Variants in FOXP2 observed in about 807,000 individuals in gnomAD.
The protein encoded by FOXP2 is forkhead box protein P2.
In FOXP2, 12 loss-of-function variants were observed where a neutral mutation model predicts 115.8. The ratio of observed to expected loss-of-function variants is 0.10; its 90% CI spans 0.07 to 0.17. The LOEUF (loss-of-function observed/expected upper bound fraction) is 0.17, where lower values mean the gene tolerates loss of function less well. FOXP2 is among the 10% of genes least tolerant of loss of function. FOXP2 has a pLI of 1.00. For missense variants in FOXP2, 629 were observed against 843.5 expected (o/e 0.75, Z 3.15); for synonymous variants, 328 against 297.7 (o/e 1.10, Z -1.05).
chr7:114,468,310 C>T (rs1241381912), intron 2 of FOXP2, among the ~76,000 whole-genome samples: 1 of 151,974 alleles, frequency 6.6e-6, no homozygotes, highest in Non-Finnish European at 1.5e-5. Context: ...TCTGGCTCTG[C>T]ATTGTGTGTG....
chr7:114,524,138 G>A (rs1278197061), intron 2 of FOXP2, among the ~76,000 whole-genome samples: 1 of 152,004 alleles, frequency 6.6e-6, no homozygotes, highest in Non-Finnish European at 1.5e-5. Flanking sequence ...TTTGTATTTG[G>A]TATGGCAGAA....
At chr7:114,182,211 A>G (rs1194132752) in intron 1 of FOXP2, among the ~76,000 whole-genome samples, 1 of 152,032 alleles carries the variant, frequency 6.6e-6, no homozygotes, top group Non-Finnish European at 1.5e-5. Context: ...AATTTTAGTA[A>G]TAAAACTTCA....
At chr7:114,286,199 C>A (rs919796680) in intron 1 of FOXP2, among the ~76,000 whole-genome samples, 5 of 151,850 alleles carry the variant, frequency 3.3e-5, no homozygotes, top group African/African-American at 1.2e-4. Context: ...ATATAACACT[C>A]TCATGTATGT....
chr7:114,102,589 A>G (rs541433994), intron 1 of FOXP2, among the ~76,000 whole-genome samples: 1 of 151,202 alleles, frequency 6.6e-6, no homozygotes, highest in South Asian at 2.1e-4. Context: ...AACCATTTAA[A>G]CATGTAAAAA....
At chr7:114,658,929 A>G (rs1806729236) in intron 11 of FOXP2, among the ~76,000 whole-genome samples, 1 of 152,170 alleles carries the variant, frequency 6.6e-6, no homozygotes, top group African/African-American at 2.4e-5. Context: ...GTTATTTTCA[A>G]CATGGGTGCT....
At chr7:114,139,639 A>G (rs1489126006) in intron 1 of FOXP2, among the ~76,000 whole-genome samples, 1 of 152,166 alleles carries the variant, frequency 6.6e-6, no homozygotes, top group Admixed American at 6.5e-5. Flanking sequence ...ATCATTATTT[A>G]ACATCTTTAA....
At chr7:114,390,512 T>TTTTA (rs1191388413) in intron 2 of FOXP2, among the ~76,000 whole-genome samples, 2 of 40,310 alleles carry the variant, frequency 5.0e-5, no homozygotes, top group Admixed American at 3.2e-4. Context: ...CATACTTTTG[T>TTTTA]TTTATTTATG....
At chr7:114,118,170 T>C (rs1158040116) in intron 1 of FOXP2, among the ~76,000 whole-genome samples, 1 of 152,134 alleles carries the variant, frequency 6.6e-6, no homozygotes, top group Non-Finnish European at 1.5e-5. Flanking sequence ...TTTTGTAACA[T>C]TTATGAACAA....
intron 1 of FOXP2, among the ~76,000 whole-genome samples, chr7:114,132,441 T>C (rs186273094): frequency 1.7e-4 from 26 of 152,214 alleles, no homozygotes; most frequent in Non-Finnish European, 1.5e-4. Flanking sequence ...TTCTGCAGTC[T>C]GTGTTCTCAT....
intron 1 of FOXP2, among the ~76,000 whole-genome samples, chr7:114,142,356 C>T (rs919188279): frequency 2.0e-5 from 3 of 152,014 alleles, no homozygotes; most frequent in African/African-American, 7.3e-5. Context: ...CAGTTTTAAG[C>T]TTAGGAAGCA....
intron 2 of FOXP2, among the ~76,000 whole-genome samples, chr7:114,309,671 A>AT (rs1286876098): frequency 1.3e-5 from 2 of 151,586 alleles, no homozygotes; most frequent in Non-Finnish European, 2.9e-5. Flanking sequence ...GGAGATACAT[A>AT]TTTTTTTTCT....
intron 1 of FOXP2, among the ~76,000 whole-genome samples, chr7:114,173,241 G>T (rs1793194706): frequency 6.6e-6 from 1 of 151,738 alleles, no homozygotes; most frequent in South Asian, 2.1e-4. Context: ...ATGTTGTTAA[G>T]AAAATGAAAA....
intron 3 of FOXP2, among the ~76,000 whole-genome samples, chr7:114,550,175 T>C (rs1800136224): frequency 6.8e-6 from 1 of 147,438 alleles, no homozygotes; most frequent in Non-Finnish European, 1.5e-5. Flanking sequence ...TGGAGTGCAG[T>C]GGTGCGATCT....
intron 2 of FOXP2, among the ~76,000 whole-genome samples, chr7:114,380,881 G>A (rs938296028): frequency 6.6e-6 from 1 of 152,222 alleles, no homozygotes; most frequent in African/African-American, 2.4e-5. Context: ...GCCATGGGTT[G>A]CAAGCTTGTC....
intron 2 of FOXP2, among the ~76,000 whole-genome samples, chr7:114,404,791 A>G (rs985626635): frequency 6.6e-6 from 1 of 151,964 alleles, no homozygotes; most frequent in African/African-American, 2.4e-5. Context: ...TGTCTCTTTT[A>G]TTCTTCTGTT....
intron 2 of FOXP2, among the ~76,000 whole-genome samples, chr7:114,514,942 C>A: frequency 6.6e-6 from 1 of 150,572 alleles, no homozygotes; most frequent in Non-Finnish European, 1.5e-5. Flanking sequence ...TGTTCAATTC[C>A]CACCTATGAG....
chr7:114,264,525 C>A (rs1562843850), intron 1 of FOXP2, among the ~76,000 whole-genome samples: 1 of 152,202 alleles, frequency 6.6e-6, no homozygotes, highest in Non-Finnish European at 1.5e-5. Context: ...TCCTGATCTT[C>A]TCCTTCACCC....
chr7:114,604,954 C>T (rs1413230126), intron 3 of FOXP2, among the ~76,000 whole-genome samples: 2 of 152,150 alleles, frequency 1.3e-5, no homozygotes, highest in East Asian at 3.8e-4. Flanking sequence ...ATATCTTGAT[C>T]TTTCTGAGCC....
intron 1 of FOXP2, among the ~76,000 whole-genome samples, chr7:114,217,394 TTA>T (rs1355396716): frequency 6.1e-4 from 93 of 152,224 alleles, no homozygotes; most frequent in Non-Finnish European, 1.2e-4. Context: ...AGCAATTATT[TTA>T]CTAGGAACAA....
Sources: gnomAD v4.1 joint callset for allele counts (sites outside exome capture counted in the v4.1 genomes callset) on GRCh38, gnomAD v4.1.1 for gene constraint, MANE v1.5 for transcripts, NCBI Gene and HGNC (gene_info 2026-07-23, HGNC 2026-07-21) for gene names.